Variants in IQANK1 observed in about 807,000 individuals in gnomAD.
IQANK1 encodes IQ motif and ankyrin repeat containing 1, also known as IQ motif and ankyrin repeat domain-containing protein 1.
Under a neutral mutation model 22.6 loss-of-function variants are expected in IQANK1, and 30 were observed. The observed-to-expected ratio is 1.33, with a 90% CI of 0.99 to 1.80. The LOEUF is 1.80. IQANK1 is among the 40% of genes most tolerant of loss of function. The probability of loss-of-function intolerance (pLI) is 0.00; values close to 1 mark genes in which losing one functional copy is unlikely to be tolerated. For missense variants in IQANK1, 275 were observed against 235.2 expected (o/e 1.17, Z -1.11); for synonymous variants, 122 against 99.6 (o/e 1.23, Z -1.34).
intron 2 of IQANK1, among the ~76,000 whole-genome samples, chr8:143,738,779 A>C (rs892347488): frequency 6.6e-6 from 1 of 152,088 alleles, no homozygotes; most frequent in African/African-American, 2.4e-5. Flanking sequence ...CAGGAGCTGC[A>C]TCCTGGTCGC....
intron 7 of IQANK1, among the ~76,000 whole-genome samples, chr8:143,776,059 C>A (rs936447041): frequency 6.7e-6 from 1 of 149,582 alleles, no homozygotes; most frequent in Non-Finnish European, 1.5e-5. Flanking sequence ...CGGCGGCTCA[C>A]GCCTGTAATC....
chr8:143,740,001 A>AG (rs1165717294), intron 3 of IQANK1, 53 bp downstream of exon 3: 5 of 659,982 alleles, frequency 7.6e-6, no homozygotes, highest in African/African-American at 3.6e-5. Flanking sequence ...AGCTGTTGGC[A>AG]GGGGGGTGCC....
chr8:143,767,898 T>G (rs1363252281), intron 3 of IQANK1, among the ~76,000 whole-genome samples: 1 of 129,812 alleles, frequency 7.7e-6, no homozygotes, highest in East Asian at 2.4e-4. Context: ...TTTTTTTTTT[T>G]TGTGAGACAG....
chr8:143,790,498 CG>C lies in IQANK1; in HGVS notation c.1575del (p.Leu526TrpfsTer?). The C allele has an allele frequency of 2.4e-6, 1 of 408,646 alleles. No individual in the cohort carries two copies. The highest frequency in any genetic ancestry group is 4.3e-6 in the Non-Finnish European group (1 of 235,008). 25.3% of individuals were successfully genotyped at this position (408,646 alleles called of 1,614,324 possible). On this transcript the variant is annotated frameshift_variant, in exon 14 of 14. Coordinates refer to ENST00000527139, the MANE Select transcript of IQANK1 (RefSeq NM_001381874.1). LOFTEE classifies it low-confidence loss of function (END_TRUNC). ...TAGCCCCACGCAGTTCCAGGAGCAG[CG>C]GCTGGAGCACTTCCGCCTCTTTTTC... is the stretch of plus-strand genomic sequence containing the variant. Reference protein sequence around the residue: ...EYSPTQFQEQRLEHFRLFFVT... With the variant: ...EYSPTQFQEQXLEHFRLFFVT...
chr8:143,783,844 C>T (rs900963047), intron 7 of IQANK1, among the ~76,000 whole-genome samples: 6 of 151,984 alleles, frequency 3.9e-5, no homozygotes, highest in Admixed American at 2.0e-4. Flanking sequence ...GACTGCCCTC[C>T]TCACTCTACA....
At chr8:143,749,946 G>A (rs575316525) in intron 3 of IQANK1, among the ~76,000 whole-genome samples, 2 of 150,770 alleles carry the variant, frequency 1.3e-5, no homozygotes, top group African/African-American at 4.9e-5. Context: ...AACTTTTTTT[G>A]ATATATAATG....
intron 3 of IQANK1, chr8:143,759,108 C>A: frequency 3.1e-6 from 1 of 323,370 alleles, no homozygotes; most frequent in South Asian, 3.2e-5. Flanking sequence ...CTTCGACTGC[C>A]ATGAAGAGGT....
At position 143,790,320 on chromosome 8, in the gene IQANK1, C is replaced by T. The variant is rs375012908; in HGVS notation, c.1425-30C>T. The T allele has an allele frequency of 8.1e-4, 998 of 1,228,582 alleles. 6 individuals are homozygous for T. The African/African-American group carries it at 0.012, about 14-fold the overall frequency. 76.1% of individuals were successfully genotyped at this position (1,228,582 alleles called of 1,614,324 possible). ...ACACCCCACCCCACCTCCCTAGCCC[C>T]ACCCTGGCCTCACCAGCCTCATGGG... On this transcript the variant is annotated intron_variant, in intron 13 of 13. Coordinates refer to ENST00000527139, the MANE Select transcript of IQANK1 (RefSeq NM_001381874.1).
Position 143,790,526 on chromosome 8 carries a change from T to A in IQANK1, c.1601T>A (p.Val534Asp). ...QRLEHFRLFF[V>D]TKVQWPPAEQ... ...CTGGAGCACTTCCGCCTCTTTTTCG[T>A]CACCAAGGTCCAGTGGCCGCCAGCT... is the stretch of plus-strand genomic sequence containing the variant. Residue 534 changes from valine (V) to aspartate (D), a missense_variant, in exon 14 of 14, where the codon GTC becomes GAC. By Grantham distance (152) the Val-to-Asp change is radical (BLOSUM62 -3). Coordinates refer to ENST00000527139, the MANE Select transcript of IQANK1 (RefSeq NM_001381874.1). 2.5e-6 allele frequency: 1 copy of A among 401,682 alleles called. No individual in the cohort carries two copies. The highest frequency in any genetic ancestry group is 4.4e-6 in the Non-Finnish European group (1 of 228,622). 24.9% of individuals were successfully genotyped at this position (401,682 alleles called of 1,614,324 possible).
At chr8:143,775,524 G>A (rs1178052147) in intron 7 of IQANK1, among the ~76,000 whole-genome samples, 2 of 152,028 alleles carry the variant, frequency 1.3e-5, no homozygotes, top group African/African-American at 2.4e-5. Context: ...ACTGTGGGAG[G>A]CCGAGGCGGG....
chr8:143,770,714 C>G (rs1485486592), intron 3 of IQANK1, among the ~76,000 whole-genome samples: 3 of 152,274 alleles, frequency 2.0e-5, no homozygotes, highest in Non-Finnish European at 4.4e-5. Flanking sequence ...GCCTGGCCAC[C>G]CGTGCCCTGG....
At chr8:143,775,127 G>A (rs571097700) in intron 7 of IQANK1, among the ~76,000 whole-genome samples, 3 of 150,020 alleles carry the variant, frequency 2.0e-5, no homozygotes, top group East Asian at 4.0e-4. Context: ...ACACACACAC[G>A]AGTAGATGTG....
intron 7 of IQANK1, among the ~76,000 whole-genome samples, chr8:143,776,732 T>C (rs782783635): frequency 2.0e-5 from 3 of 152,168 alleles, no homozygotes; most frequent in Non-Finnish European, 4.4e-5. Context: ...GGTCATTCAG[T>C]TGGATCCCTC....
chr8:143,763,884 G>A (rs923669670), intron 3 of IQANK1, among the ~76,000 whole-genome samples: 16 of 152,146 alleles, frequency 1.1e-4, no homozygotes, highest in Non-Finnish European at 5.9e-5. Context: ...CAGGCAGAGT[G>A]GTTAACCCTC....
At chr8:143,748,777 TATATC>T (rs1260349310) in intron 3 of IQANK1, among the ~76,000 whole-genome samples, 3 of 109,080 alleles carry the variant, frequency 2.8e-5, no homozygotes, top group African/African-American at 1.2e-4. Flanking sequence ...AATATATAAA[TATATC>T]ATATATAAAT....
At chr8:143,748,176 A>G (rs1241821250) in intron 3 of IQANK1, among the ~76,000 whole-genome samples, 2 of 151,266 alleles carry the variant, frequency 1.3e-5, no homozygotes, top group Admixed American at 6.7e-5. Flanking sequence ...TGTATTTTTT[A>G]TACAGACAGG....
At position 143,753,565 on chromosome 8, in the gene IQANK1, T is replaced by C. The variant is rs899969509; in HGVS notation, c.175+13617T>C. 5.3e-5 allele frequency among the ~76,000 whole-genome samples: 8 copies of C among 151,414 alleles called. No individual in the cohort carries two copies. The East Asian group carries it at 1.6e-3, about 30-fold the overall frequency. On this transcript the variant is annotated intron_variant, in intron 3 of 13. Transcript: ENST00000527139. ...GCCTCCCGGTTTCAAGTGATTCTCC[T>C]GCCTCAACCTCCCAAGTAGCTGAGA...
In IQANK1 at chr8:143,764,289, T is replaced by C. The variant is rs537527647; in HGVS notation, c.176-7199T>C. 8.2e-4 allele frequency among the ~76,000 whole-genome samples: 124 copies of C among 152,068 alleles called. 2 individuals are homozygous for C. Among genetic ancestry groups the C allele is most frequent in the African/African-American group, 2.8e-3 (118 of 41,488 alleles). On this transcript the variant is annotated intron_variant, in intron 3 of 13. Transcript: ENST00000527139. ...GGAAAAAGCTGCAGATCACAAATCA[T>C]CCAATATTCCAGTATCCCAGTATTC...
At chr8:143,779,806 C>G (rs1040124705) in intron 7 of IQANK1, among the ~76,000 whole-genome samples, 1 of 152,178 alleles carries the variant, frequency 6.6e-6, no homozygotes, top group South Asian at 2.1e-4. Flanking sequence ...TGGCACAATT[C>G]CTGGTGCAAA....
Sources: allele counts gnomAD v4.1 joint callset (sites outside exome capture counted in the v4.1 genomes callset), GRCh38; gene constraint gnomAD v4.1.1; transcripts MANE v1.5; gene names NCBI Gene and HGNC (gene_info 2026-07-23, HGNC 2026-07-21).